Variants in CFTR observed in about 807,000 individuals in gnomAD.
CFTR encodes cystic fibrosis transmembrane conductance regulator.
In CFTR, 181 loss-of-function variants were observed where a neutral mutation model predicts 171.6. That is an observed-to-expected ratio of 1.05 (90% CI 0.93 to 1.19). The LOEUF (loss-of-function observed/expected upper bound fraction) is 1.19. Ranked by LOEUF, CFTR falls within the 50% of genes most tolerant of loss-of-function variation. The pLI is 0.00. For synonymous variants in CFTR, 583 were observed against 608.0 expected, an observed-to-expected ratio of 0.96 and a Z score of 0.60; for missense variants, 1,968 against 1,734.7, an observed-to-expected ratio of 1.13 and a Z score of -2.39.
intron 23 of CFTR, among the ~76,000 whole-genome samples, chr7:117,642,971 T>C (rs975788105): frequency 6.6e-6 from 1 of 152,164 alleles, no homozygotes; most frequent in South Asian, 2.1e-4. Flanking sequence ...TAACAAACAC[T>C]TGGAATCATG....
At chr7:117,608,510 G>C (rs1211638887) in intron 18 of CFTR, among the ~76,000 whole-genome samples, 1 of 152,090 alleles carries the variant, frequency 6.6e-6, no homozygotes, top group Non-Finnish European at 1.5e-5. Flanking sequence ...ACTGCACCAG[G>C]CCCTGTTCAA....
intron 11 of CFTR, among the ~76,000 whole-genome samples, chr7:117,566,451 A>G (rs745326892): frequency 3.5e-4 from 53 of 152,196 alleles, no homozygotes; most frequent in Non-Finnish European, 5.7e-4. Flanking sequence ...AAAATAAAAC[A>G]TATATTTGAA....
At chr7:117,649,484 AGT>A (rs1183280735) in intron 23 of CFTR, among the ~76,000 whole-genome samples, 71 of 119,074 alleles carry the variant, frequency 6.0e-4, no homozygotes, top group Middle Eastern at 4.0e-3. Flanking sequence ...ATATATATAT[AGT>A]GTGTGTGTGT....
chr7:117,566,970 A>T (rs1791612225), intron 11 of CFTR, among the ~76,000 whole-genome samples: 2 of 152,214 alleles, frequency 1.3e-5, no homozygotes, highest in African/African-American at 2.4e-5. Flanking sequence ...CCTCCCAGTA[A>T]GATTTGGGCC....
At chr7:117,620,803 A>G (rs2116111927) in intron 21 of CFTR, among the ~76,000 whole-genome samples, 1 of 152,304 alleles carries the variant, frequency 6.6e-6, no homozygotes, top group African/African-American at 2.4e-5. Context: ...GCACATGCAG[A>G]ATCTTTATAA....
chr7:117,635,890 TAA>T (rs1022909982), intron 22 of CFTR, among the ~76,000 whole-genome samples: 15 of 152,106 alleles, frequency 9.9e-5, no homozygotes, highest in African/African-American at 3.6e-4. Flanking sequence ...TTAAATCAAT[TAA>T]GAGTAAGAAA....
intron 3 of CFTR, among the ~76,000 whole-genome samples, chr7:117,514,649 T>C (rs1798571500): frequency 6.6e-6 from 1 of 152,198 alleles, no homozygotes; most frequent in Non-Finnish European, 1.5e-5. Flanking sequence ...AGTAGAATGA[T>C]TTATATTACT....
chr7:117,580,932 CAT>C (rs1177421882), intron 11 of CFTR, among the ~76,000 whole-genome samples: 1 of 152,064 alleles, frequency 6.6e-6, no homozygotes, highest in African/African-American at 2.4e-5. Context: ...ACTGCTGAAA[CAT>C]ATTCTAGTGG....
At chr7:117,501,776 C>CAAA (rs796991857) in intron 1 of CFTR, among the ~76,000 whole-genome samples, 3 of 84,338 alleles carry the variant, frequency 3.6e-5, no homozygotes, top group Non-Finnish European at 5.4e-5. Flanking sequence ...AAAAAAGAAA[C>CAAA]AAAAAAAAAA....
chr7:117,569,427 T>C (rs1791653773), intron 11 of CFTR, among the ~76,000 whole-genome samples: 2 of 152,020 alleles, frequency 1.3e-5, no homozygotes, highest in Non-Finnish European at 2.9e-5. Flanking sequence ...CAAAAACTTA[T>C]GCAAATCAAT....
intron 22 of CFTR, among the ~76,000 whole-genome samples, chr7:117,629,652 G>A (rs141061867): frequency 8.9e-4 from 136 of 152,174 alleles, no homozygotes; most frequent in African/African-American, 2.9e-3. Flanking sequence ...TTAGAAGGCC[G>A]GATAACAACT....
At chr7:117,626,440 T>G (rs1792650991) in intron 21 of CFTR, among the ~76,000 whole-genome samples, 1 of 152,086 alleles carries the variant, frequency 6.6e-6, no homozygotes, top group African/African-American at 2.4e-5. Context: ...GTGTTAATAT[T>G]GTAAAGGAAA....
At chr7:117,606,629 A>C in intron 17 of CFTR, 45 bp from the exon 18 acceptor site, 1 of 1,047,996 alleles carries the variant, frequency 9.5e-7, no homozygotes, top group Non-Finnish European at 1.5e-6. Context: ...TATATCTTTA[A>C]AAAATTAGTG....
rs550709226 is a variant in CFTR, at chr7:117,535,375, T to C, written c.707T>C (p.Phe236Ser). The C allele has an allele frequency of 1.9e-6, 3 of 1,614,114 alleles. No individual in the cohort carries two copies. The Admixed American group carries it at 5.0e-5, about 27-fold the overall frequency. Reference sequence around the variant, plus strand: ...GGTTTCCTGATAGTCCTTGCCCTTTTTCAGGCTGGGCTAGGGAGAATGATG... The same window carrying C: ...GGTTTCCTGATAGTCCTTGCCCTTTCTCAGGCTGGGCTAGGGAGAATGATG... The part of the protein sequence containing the change: ...GLGFLIVLAL[F>S]QAGLGRMMMK... Residue 236 changes from phenylalanine to serine, a missense_variant, in exon 6 of 27, where the codon TTT becomes TCT. Physicochemically the swap from Phe to Ser is radical, Grantham distance 155. Coordinates refer to ENST00000003084, the MANE Select transcript of CFTR (RefSeq NM_000492.4).
intron 9 of CFTR, among the ~76,000 whole-genome samples, chr7:117,544,539 T>C (rs952546828): frequency 6.6e-6 from 1 of 152,206 alleles, no homozygotes. Context: ...TTTTCTTCTT[T>C]TGTGTCTAAG....
At chr7:117,578,273 A>G (rs1487741176) in intron 11 of CFTR, among the ~76,000 whole-genome samples, 1 of 151,952 alleles carries the variant, frequency 6.6e-6, no homozygotes, top group Non-Finnish European at 1.5e-5. Context: ...TCAACATGAA[A>G]ACTATGAGGA....
At position 117,549,218 on chromosome 7, in the gene CFTR, G is replaced by A. The variant is rs1820871; in HGVS notation, c.1392+395G>A. Among the ~76,000 whole-genome samples the A allele has an allele frequency of 0.24, 36,667 of 151,822 alleles. 4,710 individuals are homozygous for A. Among genetic ancestry groups the A allele is most frequent in the East Asian group, 0.42 (2,157 of 5,158 alleles). ...TGCCTTAGTAACCACATAAACAAAA[G>A]GTCTCCATTTTTGTTAACATTACAA... On this transcript the variant is annotated intron_variant, in intron 10 of 26. Coordinates refer to ENST00000003084, the MANE Select transcript of CFTR (RefSeq NM_000492.4).
intron 22 of CFTR, among the ~76,000 whole-genome samples, chr7:117,632,505 G>T (rs919796115): frequency 1.3e-5 from 2 of 151,400 alleles, no homozygotes; most frequent in African/African-American, 4.9e-5. Flanking sequence ...TAAGGCTGCA[G>T]CGAGCTGTGA....
chr7:117,614,532 C>A (rs1792453715), intron 20 of CFTR, 81 bp from the exon 21 acceptor site: 1 of 861,250 alleles, frequency 1.2e-6, no homozygotes, highest in South Asian at 1.3e-5. Context: ...GTGATATGTG[C>A]CCTAGGAGAA....
Sources: allele counts gnomAD v4.1 joint callset (sites outside exome capture counted in the v4.1 genomes callset), GRCh38; gene constraint gnomAD v4.1.1; transcripts MANE v1.5; gene names NCBI Gene and HGNC (gene_info 2026-07-23, HGNC 2026-07-21).